Variants in ATG4A observed in about 807,000 individuals in gnomAD.
ATG4A encodes autophagy related 4A cysteine peptidase.
In ATG4A, 22 loss-of-function variants were observed where a neutral mutation model predicts 38.4. The ratio of observed to expected loss-of-function variants is 0.57; its 90% CI spans 0.41 to 0.82. The LOEUF (loss-of-function observed/expected upper bound fraction) is 0.82. Ranked by LOEUF, ATG4A falls within the 40% of genes least tolerant of loss-of-function variation. The pLI, the probability that ATG4A is intolerant of heterozygous loss-of-function variation, is 0.00. For synonymous variants in ATG4A, 86 were observed against 100.7 expected (o/e 0.85, Z 0.88); for missense variants, 220 against 290.0 (o/e 0.76, Z 1.75).
At chrX:108,151,578 A>G (rs1316493815) in intron 10 of ATG4A, among the ~76,000 whole-genome samples, 1 of 112,220 alleles carries the variant, frequency 8.9e-6, no homozygotes, top group African/African-American at 3.2e-5. Flanking sequence ...AAAGAGGGAA[A>G]GGGACAGAGA....
At chrX:108,099,146 G>A (rs991899601) in intron 1 of ATG4A, among the ~76,000 whole-genome samples, 2 of 111,358 alleles carry the variant, frequency 1.8e-5, no homozygotes, top group African/African-American at 6.5e-5. Context: ...ATCCTTTCCA[G>A]CATTTGGTAT....
At chrX:108,122,148 T>A (rs779705918) in intron 1 of ATG4A, among the ~76,000 whole-genome samples, 1 of 112,419 alleles carries the variant, frequency 8.9e-6, no homozygotes, top group East Asian at 2.8e-4. Flanking sequence ...TTGACTGAAA[T>A]TCATGTCATG....
intron 1 of ATG4A, among the ~76,000 whole-genome samples, chrX:108,111,611 C>T (rs894405806): frequency 2.7e-5 from 3 of 111,524 alleles, no homozygotes; most frequent in African/African-American, 9.8e-5. Context: ...CCTGCTTCCT[C>T]CATGAAGCCT....
At chrX:108,115,447 C>G (rs1023783437) in intron 1 of ATG4A, among the ~76,000 whole-genome samples, 1 of 111,583 alleles carries the variant, frequency 9.0e-6, no homozygotes, top group Admixed American at 9.5e-5. Flanking sequence ...CCAAATGTAA[C>G]ACCTGTTCTG....
At chrX:108,137,363 C>T (rs180871344) in intron 7 of ATG4A, among the ~76,000 whole-genome samples, 193 bp downstream of exon 7, 2 of 112,085 alleles carry the variant, frequency 1.8e-5, no homozygotes, top group Non-Finnish European at 3.8e-5. Flanking sequence ...GGGCCTTGCT[C>T]CTCCTCAGTG....
intron 1 of ATG4A, among the ~76,000 whole-genome samples, chrX:108,119,101 C>T (rs1414607186): frequency 9.0e-6 from 1 of 111,694 alleles, no homozygotes; most frequent in East Asian, 2.8e-4. Context: ...ATCTTCTCTT[C>T]CTAGGGCTCG....
chrX:108,132,294 A>G (rs1423119224), intron 4 of ATG4A, among the ~76,000 whole-genome samples: 1 of 112,502 alleles, frequency 8.9e-6, no homozygotes, highest in Non-Finnish European at 1.9e-5. Context: ...CAGTTCAGGC[A>G]CTTGGGTGAA....
In ATG4A at chrX:108,153,004, T is replaced by C. The variant is rs2033624865; in HGVS notation, c.1043T>C (p.Met348Thr). 3 of 1,208,651 alleles carry C rather than the reference T, an allele frequency of 2.5e-6. No homozygotes were observed. Among genetic ancestry groups the C allele is most frequent in the Non-Finnish European group, 3.4e-6 (3 of 893,796 alleles). Residue 348 changes from methionine (M) to threonine (T), a missense_variant, in exon 12 of 13, where the codon ATG (methionine) becomes ACG (threonine). This residue lies in a region of ATG4A where 159 missense variants were observed against 188.9 expected (regional missense o/e 0.84). Transcript: ENST00000372232. ...QKEILKENLR[M>T]FELVQKHPSH... Reference sequence around the variant, plus strand: ...GAAATTCTAAAGGAGAATTTAAGGATGTTTGAATTAGTTCAGAAACATCCA... The same window carrying C: ...GAAATTCTAAAGGAGAATTTAAGGACGTTTGAATTAGTTCAGAAACATCCA...
intron 9 of ATG4A, among the ~76,000 whole-genome samples, chrX:108,147,318 C>T (rs779824652): frequency 6.3e-4 from 70 of 111,607 alleles, no homozygotes; most frequent in African/African-American, 2.2e-3. Context: ...GAAGCTGTTT[C>T]TTCTGGCAAA....
intron 1 of ATG4A, among the ~76,000 whole-genome samples, chrX:108,101,878 G>A (rs1453640470): frequency 9.1e-6 from 1 of 109,627 alleles, no homozygotes; most frequent in Admixed American, 9.8e-5. Context: ...ATGTCTTCAA[G>A]GTTCATCCAT....
intron 3 of ATG4A, among the ~76,000 whole-genome samples, chrX:108,129,716 G>A (rs564407848): frequency 4.6e-5 from 5 of 109,062 alleles, no homozygotes; most frequent in Non-Finnish European, 9.5e-5. Flanking sequence ...GACTACAGGC[G>A]CCCGCCAACA....
At chrX:108,146,221 C>T (rs914846927) in intron 9 of ATG4A, among the ~76,000 whole-genome samples, 2 of 111,869 alleles carry the variant, frequency 1.8e-5, no homozygotes, top group East Asian at 2.8e-4. Flanking sequence ...GATTGATGGG[C>T]TGTGATTCTC....
At chrX:108,137,014 C>T in intron 6 of ATG4A, 77 bp from the exon 7 acceptor site, 1 of 881,678 alleles carries the variant, frequency 1.1e-6, no homozygotes, top group Non-Finnish European at 1.6e-6. Flanking sequence ...TTTAGGAACA[C>T]TGGGCATAAA....
chrX:108,097,679 T>C (rs2031869827), intron 1 of ATG4A, among the ~76,000 whole-genome samples: 1 of 112,075 alleles, frequency 8.9e-6, no homozygotes. Context: ...ATTCTTTCCA[T>C]AGCACAACAG....
chrX:108,119,500 A>G (rs2032594483), intron 1 of ATG4A, among the ~76,000 whole-genome samples: 1 of 112,012 alleles, frequency 8.9e-6, no homozygotes, highest in Admixed American at 9.5e-5. Context: ...TCTGCAGTAT[A>G]CTGATCTTTT....
intron 1 of ATG4A, among the ~76,000 whole-genome samples, chrX:108,104,844 T>C (rs902011682): frequency 6.3e-5 from 7 of 111,303 alleles, no homozygotes; most frequent in African/African-American, 1.3e-4. Context: ...TTCCTCTGAC[T>C]ATATCATTTC....
intron 1 of ATG4A, among the ~76,000 whole-genome samples, chrX:108,118,818 T>C (rs1460837935): frequency 8.9e-6 from 1 of 112,254 alleles, no homozygotes; most frequent in Non-Finnish European, 1.9e-5. Flanking sequence ...GTGCTCAATT[T>C]CCTCCTTTTG....
At chrX:108,089,865 T>A (rs193022974), upstream of ATG4A, among the ~76,000 whole-genome samples, 2 of 111,503 alleles carry the variant, frequency 1.8e-5, no homozygotes, top group African/African-American at 6.5e-5. Flanking sequence ...AAATAAAAAT[T>A]AAAAAAGCTA....
At chrX:108,115,978 C>T (rs1377176030) in intron 1 of ATG4A, among the ~76,000 whole-genome samples, 2 of 112,039 alleles carry the variant, frequency 1.8e-5, no homozygotes, top group African/African-American at 6.5e-5. Flanking sequence ...GTCTTTCACA[C>T]TTGTGAGTAG....
Sources: allele counts gnomAD v4.1 joint callset (sites outside exome capture counted in the v4.1 genomes callset), GRCh38; gene constraint gnomAD v4.1.1; regional missense constraint gnomAD v4.1.1; transcripts MANE v1.5; gene names NCBI Gene and HGNC (gene_info 2026-07-23, HGNC 2026-07-21).